PDE1A: variants seen among roughly 807,000 people sequenced by gnomAD.
PDE1A encodes dual specificity calcium/calmodulin-dependent 3',5'-cyclic nucleotide phosphodiesterase 1A.
PDE1A carries 35 observed loss-of-function variants against 61.7 expected under a neutral mutation model. The ratio of observed to expected loss-of-function variants is 0.57; its 90% CI spans 0.43 to 0.75. The LOEUF (loss-of-function observed/expected upper bound fraction) is 0.75. Among genes scored for constraint, PDE1A ranks in the 30% least tolerant of loss-of-function variants. The pLI is 0.00. For synonymous variants in PDE1A, 232 were observed against 213.2 expected (o/e 1.09, Z -0.77); for missense variants, 597 against 630.6 (o/e 0.95, Z 0.57).
chr2:182,153,401 G>A (rs530339984), intron 13 of PDE1A, among the ~76,000 whole-genome samples: 8 of 152,276 alleles, frequency 5.3e-5, no homozygotes, highest in Middle Eastern at 3.4e-3. Flanking sequence ...TGATATGCCA[G>A]GAAAGAAATG....
chr2:182,527,942 C>T (rs573035233), upstream of PDE1A, among the ~76,000 whole-genome samples: 1 of 152,224 alleles, frequency 6.6e-6, no homozygotes, highest in South Asian at 2.1e-4. Flanking sequence ...CCTCCCCAGC[C>T]ATGTGGAACT....
At chr2:182,507,241 A>C (rs1378934340) in intron 2 of PDE1A, among the ~76,000 whole-genome samples, 1 of 152,212 alleles carries the variant, frequency 6.6e-6, no homozygotes, top group Non-Finnish European at 1.5e-5. Context: ...TATGTGAAAA[A>C]TTCAGAAGCT....
chr2:182,319,538 A>G (rs965991105), intron 1 of PDE1A, among the ~76,000 whole-genome samples: 2 of 152,150 alleles, frequency 1.3e-5, no homozygotes, highest in Admixed American at 6.5e-5. Context: ...AACAATTAGC[A>G]TAATACGCAT....
At chr2:182,219,255 G>T (rs1688517698) in intron 7 of PDE1A, among the ~76,000 whole-genome samples, 1 of 152,000 alleles carries the variant, frequency 6.6e-6, no homozygotes, top group South Asian at 2.1e-4. Context: ...TCAAGGGAAG[G>T]CTTTTATTTC....
At chr2:182,473,218 G>A (rs1687144841) in intron 2 of PDE1A, among the ~76,000 whole-genome samples, 1 of 151,898 alleles carries the variant, frequency 6.6e-6, no homozygotes, top group South Asian at 2.1e-4. Context: ...ACAGGCATGG[G>A]CAAGGACTTC....
At chr2:182,519,836 T>C (rs1690454990) in intron 2 of PDE1A, among the ~76,000 whole-genome samples, 1 of 151,930 alleles carries the variant, frequency 6.6e-6, no homozygotes, top group South Asian at 2.1e-4. Flanking sequence ...CCTTTGTCTC[T>C]ATTTTTATTT....
intron 2 of PDE1A, among the ~76,000 whole-genome samples, chr2:182,504,451 C>T (rs966015480): frequency 1.3e-4 from 20 of 152,192 alleles, no homozygotes; most frequent in African/African-American, 4.6e-4. Flanking sequence ...AGTATTTTAT[C>T]ATTTTTTATT....
intron 13 of PDE1A, among the ~76,000 whole-genome samples, chr2:182,154,007 T>C (rs900228160): frequency 6.6e-6 from 1 of 152,064 alleles, no homozygotes; most frequent in Non-Finnish European, 1.5e-5. Flanking sequence ...CTGTAGAATA[T>C]TGATTTTAAC....
intron 2 of PDE1A, among the ~76,000 whole-genome samples, chr2:182,434,991 G>A (rs1194667238): frequency 1.3e-5 from 2 of 151,996 alleles, no homozygotes; most frequent in Non-Finnish European, 2.9e-5. Context: ...GGCTTTCTAT[G>A]TCACAAAGTA....
chr2:182,276,102 C>T (rs1216830857), intron 1 of PDE1A, among the ~76,000 whole-genome samples: 1 of 152,010 alleles, frequency 6.6e-6, no homozygotes, highest in Non-Finnish European at 1.5e-5. Context: ...TCCTTCCTTC[C>T]TTTCTCCCAT....
At chr2:182,406,624 C>A (rs1314216194) in intron 1 of PDE1A, among the ~76,000 whole-genome samples, 4 of 152,022 alleles carry the variant, frequency 2.6e-5, no homozygotes, top group Non-Finnish European at 5.9e-5. Context: ...TGGAGTAGAT[C>A]ATTTTTTAAC....
chr2:182,684,057 A>G, the PDE1A span, among the ~76,000 whole-genome samples: 710 of 150,226 alleles, frequency 4.7e-3, 2 homozygotes, highest in Non-Finnish European at 8.1e-3. Context: ...TGGGAGGCAG[A>G]GGTTGCAGTG....
the PDE1A span, among the ~76,000 whole-genome samples, chr2:182,707,242 A>G: frequency 6.6e-6 from 1 of 152,230 alleles, no homozygotes; most frequent in Admixed American, 6.5e-5. Context: ...CCAGCTTAAA[A>G]GGCAAAAAAT....
At chr2:182,271,328 T>C (rs1205803198) in intron 1 of PDE1A, among the ~76,000 whole-genome samples, 1 of 151,978 alleles carries the variant, frequency 6.6e-6, no homozygotes, top group South Asian at 2.1e-4. Flanking sequence ...TGGCAAACAG[T>C]ATTACTCTTA....
At chr2:182,629,064 G>A in the PDE1A span, among the ~76,000 whole-genome samples, 1 of 152,166 alleles carries the variant, frequency 6.6e-6, no homozygotes, top group Non-Finnish European at 1.5e-5. Context: ...GGAATTGCAG[G>A]TGGTCTCTGA....
chr2:182,175,811 G>A (rs1251172244), intron 13 of PDE1A, among the ~76,000 whole-genome samples: 7 of 119,176 alleles, frequency 5.9e-5, no homozygotes, highest in African/African-American at 2.5e-4. Context: ...GGTTTTTATG[G>A]TTTTAGGTCT....
the PDE1A span, among the ~76,000 whole-genome samples, chr2:182,530,865 A>T: frequency 6.6e-6 from 1 of 150,552 alleles, no homozygotes; most frequent in African/African-American, 2.4e-5. Flanking sequence ...AATGCAGGTA[A>T]ATATCATAGC....
intron 1 of PDE1A, among the ~76,000 whole-genome samples, chr2:182,379,840 T>C (rs1403060498): frequency 6.6e-6 from 1 of 152,208 alleles, no homozygotes; most frequent in African/African-American, 2.4e-5. Context: ...TATTCCATCC[T>C]TGATGGTCCA....
At chr2:182,223,771 T>A (rs1337764520) in intron 7 of PDE1A, 93 bp downstream of exon 7, 3 of 691,592 alleles carry the variant, frequency 4.3e-6, no homozygotes, top group Non-Finnish European at 7.1e-6. Context: ...CTTATTAGAA[T>A]CTTTATTATT....
Sources: gnomAD v4.1 joint callset for allele counts (sites outside exome capture counted in the v4.1 genomes callset) on GRCh38, gnomAD v4.1.1 for gene constraint, MANE v1.5 for transcripts, NCBI Gene and HGNC (gene_info 2026-07-23, HGNC 2026-07-21) for gene names.